KCNQ1: variants seen among roughly 807,000 people sequenced by gnomAD.
The protein encoded by KCNQ1 is potassium voltage-gated channel subfamily Q member 1, also known as potassium voltage-gated channel subfamily KQT member 1.
A neutral mutation model predicts 72.4 loss-of-function variants in KCNQ1; 49 were observed. The observed-to-expected ratio is 0.68, with a 90% CI of 0.54 to 0.86. The LOEUF is 0.86. KCNQ1 is among the 40% of genes least tolerant of loss of function. The probability of loss-of-function intolerance (pLI) is 0.00; values close to 1 mark genes in which losing one functional copy is unlikely to be tolerated. For missense variants in KCNQ1, 790 were observed against 945.1 expected (o/e 0.84, Z 2.15); for synonymous variants, 450 against 412.6 (o/e 1.09, Z -1.10).
At chr11:2,496,154 T>C (rs1331138978) in intron 1 of KCNQ1, among the ~76,000 whole-genome samples, 2 of 151,946 alleles carry the variant, frequency 1.3e-5, no homozygotes, top group Non-Finnish European at 2.9e-5. Flanking sequence ...GCTAGGATCT[T>C]GGCCGGGTGC....
At chr11:2,705,299 G>C (rs957201167) in intron 11 of KCNQ1, among the ~76,000 whole-genome samples, 2 of 152,190 alleles carry the variant, frequency 1.3e-5, no homozygotes, top group Admixed American at 1.3e-4. Flanking sequence ...GTGGCAGCAC[G>C]GGGTGTGGGC....
intron 11 of KCNQ1, chr11:2,672,434 G>A (rs1046048277): frequency 1.8e-5 from 7 of 398,446 alleles, no homozygotes; most frequent in African/African-American, 1.4e-4. Flanking sequence ...TCCACCCCAG[G>A]GGCTCTGAAG....
At chr11:2,760,358 G>C (rs919745024) in intron 11 of KCNQ1, among the ~76,000 whole-genome samples, 2 of 152,218 alleles carry the variant, frequency 1.3e-5, no homozygotes, top group African/African-American at 4.8e-5. Flanking sequence ...GGGGTGGGGA[G>C]CTCATCTCAT....
At chr11:2,510,082 C>A (rs748561651) in intron 1 of KCNQ1, among the ~76,000 whole-genome samples, 14 of 151,710 alleles carry the variant, frequency 9.2e-5, no homozygotes, top group Admixed American at 1.3e-4. Context: ...CCAGCCTGGG[C>A]AACATAGCAA....
chr11:2,519,044 A>T (rs1847333756), intron 1 of KCNQ1, among the ~76,000 whole-genome samples: 1 of 152,140 alleles, frequency 6.6e-6, no homozygotes, highest in African/African-American at 2.4e-5. Context: ...CCTGCCAACC[A>T]GCTGGGCAGT....
intron 15 of KCNQ1, among the ~76,000 whole-genome samples, chr11:2,779,894 G>C (rs1282144832): frequency 6.6e-6 from 1 of 152,236 alleles, no homozygotes; most frequent in Non-Finnish European, 1.5e-5. Flanking sequence ...TCACATCTGA[G>C]CAACAAAGGG....
At position 2,691,029 on chromosome 11, in the gene KCNQ1, A is replaced by C. The variant is rs1237901654; in HGVS notation, c.1514+28948A>C. ...AAAGCTCTGGGTGAACTCTTGGCTCAGGTATCAGGATATGCTGGGTGAGGG... is the reference window on the plus strand; with the variant it reads ...AAAGCTCTGGGTGAACTCTTGGCTCCGGTATCAGGATATGCTGGGTGAGGG... On this transcript the variant is annotated intron_variant, in intron 11 of 15. Transcript: ENST00000155840. The surrounding 1 kb of genome is among the most constrained non-coding windows in gnomAD (Gnocchi z 6.4). 1 of 398,672 alleles carries C rather than the reference A, an allele frequency of 2.5e-6. No individual in the cohort carries two copies. Among genetic ancestry groups the C allele is most frequent in the Non-Finnish European group, 4.4e-6 (1 of 226,088 alleles). The allele number at this position is 398,672 out of a possible 1,614,324, so 24.7% of individuals were successfully genotyped here. A position where few individuals can be genotyped will look rare whatever the true frequency, so the allele number is the denominator to read the frequency against.
intron 1 of KCNQ1, among the ~76,000 whole-genome samples, chr11:2,499,624 A>G (rs1445120884): frequency 6.6e-6 from 1 of 152,058 alleles, no homozygotes; most frequent in East Asian, 1.9e-4. Flanking sequence ...TTGAAAAAAG[A>G]TATTCCGTGC....
chr11:2,651,387 G>C lies in KCNQ1; in HGVS notation c.1394-10574G>C, dbSNP rs1849754799. The C allele has an allele frequency of 2.5e-6, 1 of 398,738 alleles. No individual in the cohort carries two copies. Among genetic ancestry groups the C allele is most frequent in the Non-Finnish European group, 4.4e-6 (1 of 226,158 alleles). 24.7% of individuals were successfully genotyped at this position (398,738 alleles called of 1,614,324 possible). ...TTTCACTAGTGAGTGCTGCCCCGGT[G>C]GTGGCTCACTTTCCATTCCTTTTGG... On this transcript the variant is annotated intron_variant, in intron 10 of 15. Transcript: ENST00000155840. The surrounding 1 kb of genome is among the most constrained non-coding windows in gnomAD (Gnocchi z 6.1).
intron 1 of KCNQ1, among the ~76,000 whole-genome samples, chr11:2,465,949 T>C (rs996606719): frequency 1.3e-5 from 2 of 152,196 alleles, no homozygotes; most frequent in Non-Finnish European, 2.9e-5. Flanking sequence ...GCTCATGACC[T>C]GCCCTGTCCT....
In KCNQ1 at chr11:2,462,767, G is replaced by A. The variant is rs922887599; in HGVS notation, c.386+17283G>A. ...GGCAAGAACCACAGGCAAAGAGGGT[G>A]CCGGGGGCAGGGAAGGCCTGGAGGT... On this transcript the variant is annotated intron_variant, in intron 1 of 15. Coordinates refer to ENST00000155840, the MANE Select transcript of KCNQ1 (RefSeq NM_000218.3). The surrounding 1 kb of genome is among the most constrained non-coding windows in gnomAD (Gnocchi z 8.2). Among the ~76,000 whole-genome samples the A allele has an allele frequency of 2.0e-5, 3 of 152,186 alleles. No homozygotes were observed. Among genetic ancestry groups the A allele is most frequent in the Non-Finnish European group, 4.4e-5 (3 of 68,032 alleles).
chr11:2,544,330 A>ATGTG lies in KCNQ1; in HGVS notation c.477+16313_477+16314insGTGT, dbSNP rs1847872854. Reference sequence around the variant, plus strand: ...TATATATGTATATATCTATGTATATATATGTGTATGTATATGTATATATAT... The same window carrying ATGTG: ...TATATATGTATATATCTATGTATATATGTGTATGTGTATGTATATGTATATATAT... On this transcript the variant is annotated intron_variant, in intron 2 of 15. Coordinates refer to ENST00000155840, the MANE Select transcript of KCNQ1 (RefSeq NM_000218.3). The surrounding 1 kb of genome is among the most constrained non-coding windows in gnomAD (Gnocchi z 4.4). Among the ~76,000 whole-genome samples, 1 of 149,054 alleles carries ATGTG rather than the reference A, an allele frequency of 6.7e-6. No homozygotes were observed. The highest frequency in any genetic ancestry group is 1.5e-5 in the Non-Finnish European group (1 of 67,506).
rs1366833977 is a variant in KCNQ1, at chr11:2,703,950, G to A, written c.1514+41869G>A. Among the ~76,000 whole-genome samples, 1 of 152,244 alleles carries A rather than the reference G, an allele frequency of 6.6e-6. No homozygotes were observed. Among genetic ancestry groups the A allele is most frequent in the Non-Finnish European group, 1.5e-5 (1 of 68,042 alleles). ...CTGAAGAAAGGCCCCACCCCACGCT[G>A]CTCTCAGGAGTGGACAGGAACGTGG... On this transcript the variant is annotated intron_variant, in intron 11 of 15. Transcript: ENST00000155840. The surrounding 1 kb of genome is among the most constrained non-coding windows in gnomAD (Gnocchi z 6.4).
intron 2 of KCNQ1, among the ~76,000 whole-genome samples, chr11:2,530,380 C>T (rs936534478): frequency 4.6e-5 from 7 of 152,220 alleles, no homozygotes; most frequent in South Asian, 4.1e-4. Context: ...TGCCATGGGG[C>T]GGGTCTGTGG....
rs962513122 is a variant in KCNQ1, at chr11:2,565,981, T to C, written c.478-4647T>C. On this transcript the variant is annotated intron_variant, in intron 2 of 15. Transcript: ENST00000155840. The surrounding 1 kb of genome is among the most constrained non-coding windows in gnomAD (Gnocchi z 5.6). ...CCTCCCTCCAGGCCAGACCCAGCTCTCCAGCTTCCCGGCTGCCCACTAGAT... is the reference window on the plus strand; with the variant it reads ...CCTCCCTCCAGGCCAGACCCAGCTCCCCAGCTTCCCGGCTGCCCACTAGAT... Among the ~76,000 whole-genome samples the C allele has an allele frequency of 6.6e-6, 1 of 152,006 alleles. No individual in the cohort carries two copies. The highest frequency in any genetic ancestry group is 1.5e-5 in the Non-Finnish European group (1 of 67,996).
Position 2,454,807 on chromosome 11 carries a change from TGTG to T in KCNQ1, c.386+9326_386+9328del, listed in dbSNP as rs529909161. Among the ~76,000 whole-genome samples, 306 of 152,202 alleles carry T rather than the reference TGTG, an allele frequency of 2.0e-3. 3 individuals carry two copies. The highest frequency in any genetic ancestry group is 7.2e-3 in the African/African-American group (297 of 41,514). ...CCATCTATGACAAACCCATGGTAAA[TGTG>T]GTACTGAATGGGTAAAAGCGAGACA... On this transcript the variant is annotated intron_variant, in intron 1 of 15. Coordinates refer to ENST00000155840, the MANE Select transcript of KCNQ1 (RefSeq NM_000218.3).
At position 2,760,277 on chromosome 11, in the gene KCNQ1, AGGCGGGCAGGCG is replaced by A. The variant is rs200562977; in HGVS notation, c.1515-8562_1515-8551del. Among the ~76,000 whole-genome samples, 339 of 152,246 alleles carry A rather than the reference AGGCGGGCAGGCG, an allele frequency of 2.2e-3. 8 individuals carry two copies. The East Asian group carries it at 0.057, about 26-fold the overall frequency. On this transcript the variant is annotated intron_variant, in intron 11 of 15. Coordinates refer to ENST00000155840, the MANE Select transcript of KCNQ1 (RefSeq NM_000218.3). Reference sequence around the variant, plus strand: ...GGCACTTCATGTACGTGGACGGGGCAGGCGGGCAGGCGGGCGTGGAGGAGCTAATGGGTAAGT... The same window carrying A: ...GGCACTTCATGTACGTGGACGGGGCAGGCGTGGAGGAGCTAATGGGTAAGT...
chr11:2,738,112 GAGA>G (rs1434205747), intron 11 of KCNQ1, among the ~76,000 whole-genome samples: 2 of 152,150 alleles, frequency 1.3e-5, no homozygotes, highest in Non-Finnish European at 2.9e-5. Flanking sequence ...GCAGGAAATG[GAGA>G]AGATGAACGA....
At chr11:2,800,714 G>A (rs1195536730) in intron 15 of KCNQ1, among the ~76,000 whole-genome samples, 2 of 152,190 alleles carry the variant, frequency 1.3e-5, no homozygotes, top group Non-Finnish European at 2.9e-5. Flanking sequence ...GCCTCTCTGT[G>A]ACTCAGTTTC....
Sources: gnomAD v4.1 joint callset for allele counts (sites outside exome capture counted in the v4.1 genomes callset) on GRCh38, gnomAD v4.1.1 for gene constraint, Gnocchi (gnomAD v3.1) non-coding constraint, MANE v1.5 for transcripts, NCBI Gene and HGNC (gene_info 2026-07-23, HGNC 2026-07-21) for gene names.